Variants in CNTNAP2 observed in about 807,000 individuals in gnomAD.
The protein encoded by CNTNAP2 is contactin-associated protein-like 2.
A neutral mutation model predicts 155.2 loss-of-function variants in CNTNAP2; 98 were observed. The ratio of observed to expected loss-of-function variants is 0.63; its 90% confidence interval spans 0.54 to 0.75. The LOEUF is 0.75. Ranked by LOEUF, CNTNAP2 falls within the 30% of genes least tolerant of loss-of-function variation. The probability of loss-of-function intolerance (pLI) is 0.00; values close to 1 mark genes in which losing one functional copy is unlikely to be tolerated. For synonymous variants in CNTNAP2, 651 were observed against 631.2 expected (o/e 1.03, Z -0.47); for missense variants, 1,727 against 1,688.1 (o/e 1.02, Z -0.40).
rs1410484558 is a variant in CNTNAP2 at position 146,116,810 on chromosome 7, C to G, written c.-67C>G. 4 of 1,303,658 alleles carry G rather than the reference C, an allele frequency of 3.1e-6. No homozygotes were observed. Among genetic ancestry groups the G allele is most frequent in the Non-Finnish European group, 4.3e-6 (4 of 939,610 alleles). 80.8% of individuals were successfully genotyped at this position (1,303,658 alleles called of 1,614,324 possible). On this transcript the variant is annotated 5_prime_UTR_variant, in exon 1 of 24. Coordinates refer to ENST00000361727, the MANE Select transcript of CNTNAP2 (RefSeq NM_014141.6). The surrounding 1 kb of genome is among the most constrained non-coding windows in gnomAD (Gnocchi z 5.5). The stretch of plus-strand genomic sequence containing the variant: ...AGGACAGCCCATCTCCCTTCAAGAA[C>G]CCTACGGAGAGTCGGACTGCATCTC...
At chr7:147,130,412 A>G (rs543601281) in intron 7 of CNTNAP2, among the ~76,000 whole-genome samples, 4 of 152,142 alleles carry the variant, frequency 2.6e-5, no homozygotes, top group African/African-American at 9.6e-5. Flanking sequence ...TGATTGAACT[A>G]CTGCATTCCA....
At chr7:147,728,448 C>G (rs866048641) in intron 13 of CNTNAP2, among the ~76,000 whole-genome samples, 1 of 151,976 alleles carries the variant, frequency 6.6e-6, no homozygotes, top group Non-Finnish European at 1.5e-5. Flanking sequence ...CCTATTTTCT[C>G]CTCTTGGTTA....
chr7:147,953,413 A>AT (rs77311504), intron 14 of CNTNAP2, among the ~76,000 whole-genome samples: 70,686 of 151,860 alleles, frequency 0.47, 17,767 homozygotes, highest in Middle Eastern at 0.69. Context: ...TCTAAGAAAT[A>AT]CGATTCTCAT....
chr7:146,424,408 C>A (rs193064846), intron 1 of CNTNAP2, among the ~76,000 whole-genome samples: 16 of 152,216 alleles, frequency 1.1e-4, no homozygotes, highest in African/African-American at 3.9e-4. Context: ...TGGAGTCAGA[C>A]GGGACACACT....
At chr7:146,401,848 T>C (rs1718072) in intron 1 of CNTNAP2, among the ~76,000 whole-genome samples, 4,269 of 152,240 alleles carry the variant, frequency 0.028, 210 homozygotes, top group African/African-American at 0.097. Context: ...AAAACTTTAT[T>C]TTATCACTGC....
At chr7:147,363,842 C>T (rs963185835) in intron 9 of CNTNAP2, among the ~76,000 whole-genome samples, 1 of 152,170 alleles carries the variant, frequency 6.6e-6, no homozygotes, top group South Asian at 2.1e-4. Context: ...CTAGCACATG[C>T]AGTTTTAGAG....
At chr7:147,496,708 A>G (rs570526796) in intron 11 of CNTNAP2, 7 of 152,292 alleles carry the variant, frequency 4.6e-5, no homozygotes, top group Non-Finnish European at 8.8e-5. Context: ...CTATTTAAAA[A>G]CTACTCAGTG....
chr7:146,898,989 C>T (rs1346164475), intron 3 of CNTNAP2, among the ~76,000 whole-genome samples: 1 of 152,196 alleles, frequency 6.6e-6, no homozygotes, highest in East Asian at 1.9e-4. Flanking sequence ...TTCAATGAAA[C>T]CATTTAAGTG....
intron 18 of CNTNAP2, among the ~76,000 whole-genome samples, chr7:148,192,110 A>C (rs1482636747): frequency 7.2e-5 from 11 of 152,208 alleles, no homozygotes; most frequent in Non-Finnish European, 1.2e-4. Flanking sequence ...GGCTTACAGA[A>C]GCACTTGAGT....
chr7:146,699,197 G>A (rs992532603), intron 1 of CNTNAP2, among the ~76,000 whole-genome samples: 2 of 152,006 alleles, frequency 1.3e-5, no homozygotes, highest in African/African-American at 4.8e-5. Flanking sequence ...ATGCATGAGG[G>A]AAAATAAAAC....
At chr7:146,772,167 T>A (rs1000128203) in intron 1 of CNTNAP2, among the ~76,000 whole-genome samples, 3 of 151,738 alleles carry the variant, frequency 2.0e-5, no homozygotes, top group Admixed American at 1.3e-4. Context: ...ATTAAATGAG[T>A]AACAACATAA....
chr7:147,031,012 A>G (rs1331190643), intron 3 of CNTNAP2, among the ~76,000 whole-genome samples: 3 of 152,198 alleles, frequency 2.0e-5, no homozygotes, highest in Admixed American at 2.0e-4. Context: ...CACTTGGAAG[A>G]TGAGTATATT....
intron 9 of CNTNAP2, among the ~76,000 whole-genome samples, chr7:147,315,348 C>T (rs1795206131): frequency 6.6e-6 from 1 of 150,990 alleles, no homozygotes; most frequent in Admixed American, 6.6e-5. Flanking sequence ...CGGCCATTTT[C>T]ATGACCCCAA....
chr7:147,851,774 G>A (rs1028904726), intron 13 of CNTNAP2, among the ~76,000 whole-genome samples: 1 of 120,000 alleles, frequency 8.3e-6, no homozygotes, highest in Admixed American at 9.6e-5. Flanking sequence ...GTGGGGGGAG[G>A]GGGGAAGGAT....
intron 8 of CNTNAP2, among the ~76,000 whole-genome samples, chr7:147,194,187 T>C (rs1431364803): frequency 1.3e-5 from 2 of 151,574 alleles, no homozygotes; most frequent in Non-Finnish European, 2.9e-5. Flanking sequence ...CAGTATTTGG[T>C]TTTTGGTTCC....
chr7:146,692,720 G>A (rs1386723996), intron 1 of CNTNAP2, among the ~76,000 whole-genome samples: 1 of 152,072 alleles, frequency 6.6e-6, no homozygotes, highest in Non-Finnish European at 1.5e-5. Context: ...GGATCATAAT[G>A]TTTTAATTGC....
chr7:147,765,652 T>C (rs1797371661), intron 13 of CNTNAP2, among the ~76,000 whole-genome samples: 1 of 152,106 alleles, frequency 6.6e-6, no homozygotes, highest in Non-Finnish European at 1.5e-5. Flanking sequence ...ATGAACACTT[T>C]GAGAAACCAT....
chr7:146,949,213 C>A (rs1231977329), intron 3 of CNTNAP2, among the ~76,000 whole-genome samples: 1 of 152,026 alleles, frequency 6.6e-6, no homozygotes, highest in African/African-American at 2.4e-5. Flanking sequence ...CCTAGATGGG[C>A]ACATATTTTT....
intron 14 of CNTNAP2, among the ~76,000 whole-genome samples, chr7:147,961,153 T>C (rs371073307): frequency 1.3e-5 from 2 of 152,152 alleles, no homozygotes; most frequent in South Asian, 2.1e-4. Context: ...CATCTAGTAA[T>C]TAATTTATAT....
Sources: allele counts gnomAD v4.1 joint callset (sites outside exome capture counted in the v4.1 genomes callset), GRCh38; gene constraint gnomAD v4.1.1; non-coding constraint Gnocchi (gnomAD v3.1); transcripts MANE v1.5; gene names NCBI Gene and HGNC (gene_info 2026-07-23, HGNC 2026-07-21).